ACLY: variants seen among roughly 807,000 people sequenced by gnomAD.
ACLY encodes ATP-citrate synthase.
Under a neutral mutation model 133.0 loss-of-function variants are expected in ACLY, and 41 were observed. The ratio of observed to expected loss-of-function variants is 0.31; its 90% CI spans 0.24 to 0.40. The LOEUF (loss-of-function observed/expected upper bound fraction) is 0.40, where lower values mean the gene tolerates loss of function less well. Ranked by LOEUF, ACLY falls within the 10% of genes least tolerant of loss-of-function variation. The pLI, the probability that ACLY is intolerant of heterozygous loss-of-function variation, is 1.00. For missense variants in ACLY, 1,046 were observed against 1,453.8 expected (o/e 0.72, Z 4.56); for synonymous variants, 495 against 549.3 (o/e 0.90, Z 1.38).
chr17:41,868,628 A>C, intron 28 of ACLY, 81 bp downstream of exon 28: 1 of 893,946 alleles, frequency 1.1e-6, no homozygotes, highest in East Asian at 2.8e-5. Flanking sequence ...AAGAAAAAGA[A>C]ACTCAACCCC....
At chr17:41,894,898 C>T (rs1354219244) in intron 14 of ACLY, among the ~76,000 whole-genome samples, 1 of 152,166 alleles carries the variant, frequency 6.6e-6, no homozygotes, top group Non-Finnish European at 1.5e-5. Flanking sequence ...CTAGAGCAGG[C>T]TTGGCTAACC....
In ACLY at chr17:41,886,179, C is replaced by T; in HGVS notation, c.2005G>A (p.Glu669Lys). 3 of 1,614,176 alleles carry T rather than the reference C, an allele frequency of 1.9e-6. No homozygotes were observed. Among genetic ancestry groups the T allele is most frequent in the Admixed American group, 1.7e-5 (1 of 60,014 alleles). Residue 669 changes from glutamate to lysine, a missense_variant, in exon 18 of 29, where the codon GAG becomes AAG. Glu to Lys is a moderately conservative substitution (Grantham distance 56). Transcript: ENST00000352035. Reference protein sequence around the residue: ...YVSRSGGMSNELNNIISRTTD... With the variant: ...YVSRSGGMSNKLNNIISRTTD... ...GTCCGAGAGATGATATTGTTGAGCT[C>T]GTTGGACATGCCTCCGGAACGTGAG...
At position 41,873,175 on chromosome 17, in the gene ACLY, C is replaced by CTT. The variant is rs529319940; in HGVS notation, c.2642+634_2642+635dup. Among the ~76,000 whole-genome samples the CTT allele has an allele frequency of 9.6e-4, 129 of 134,362 alleles. 1 individual carries two copies. The highest frequency in any genetic ancestry group is 3.1e-3 in the African/African-American group (113 of 36,674). The allele number at this position is 134,362 out of a possible 152,430, so 88.1% of individuals were successfully genotyped here. A position where few individuals can be genotyped will look rare whatever the true frequency, so the allele number is the denominator to read the frequency against. ...AAATTTGCAAAGTGAACACAAGGTA[C>CTT]TTTTTTTTTTTTTTTTTTGAGACGG... is the stretch of plus-strand genomic sequence containing the variant. On this transcript the variant is annotated intron_variant, in intron 23 of 28. Transcript: ENST00000352035.
chr17:41,875,365 A>AAAG (rs1491299873), intron 22 of ACLY, among the ~76,000 whole-genome samples: 8 of 148,176 alleles, frequency 5.4e-5, no homozygotes, highest in African/African-American at 7.5e-5. Flanking sequence ...AAAAAAAAAA[A>AAAG]GGGGGGACGA....
intron 23 of ACLY, among the ~76,000 whole-genome samples, 176 bp downstream of exon 23, chr17:41,873,635 C>T (rs1416971609): frequency 1.3e-5 from 2 of 152,134 alleles, no homozygotes; most frequent in Non-Finnish European, 2.9e-5. Flanking sequence ...ACTTTCTGTC[C>T]TTGGAAGACT....
intron 25 of ACLY, 124 bp from the exon 26 acceptor site, chr17:41,869,711 G>A (rs1597962301): frequency 7.0e-6 from 5 of 718,550 alleles, no homozygotes; most frequent in South Asian, 3.6e-5. Context: ...CCTGGCCCAC[G>A]TGTACCATTC....
chr17:41,918,974 G>A (rs568070855), upstream of ACLY: 64 of 1,288,914 alleles, frequency 5.0e-5, no homozygotes, highest in Admixed American at 4.8e-4. Flanking sequence ...CCCGGGATCC[G>A]GCTTTTGTCC....
At chr17:41,872,305 C>T in intron 23 of ACLY, 123 bp from the exon 24 acceptor site, 1 of 905,524 alleles carries the variant, frequency 1.1e-6, no homozygotes, top group South Asian at 1.6e-5. Flanking sequence ...TCTAATACTA[C>T]CACACAACTC....
At chr17:41,891,415 T>C (rs1401974302) in intron 16 of ACLY, among the ~76,000 whole-genome samples, 2 of 151,944 alleles carry the variant, frequency 1.3e-5, no homozygotes, top group African/African-American at 4.8e-5. Context: ...CATTTATTTA[T>C]TTATTTATTT....
intron 18 of ACLY, 40 bp downstream of exon 18, chr17:41,886,072 T>G (rs781963806): frequency 3.1e-6 from 5 of 1,595,540 alleles, no homozygotes; most frequent in Non-Finnish European, 2.6e-6. Flanking sequence ...CCCACTGCTC[T>G]CAAAGCAGGA....
In ACLY at chr17:41,909,768, C is replaced by A; in HGVS notation, c.346-68G>T. On this transcript the variant is annotated intron_variant, in intron 4 of 28. Transcript: ENST00000352035. ...GGCGAAGCTGGTGAGGGGCGCTGAA[C>A]TGGGGAAGATGGTCTACCATGTACT... 5 of 1,443,802 alleles carry A rather than the reference C, an allele frequency of 3.5e-6. No homozygotes were observed. In the South Asian group the frequency reaches 4.8e-5, roughly 14 times the overall value. 89.4% of individuals were successfully genotyped at this position (1,443,802 alleles called of 1,614,324 possible).
intron 17 of ACLY, among the ~76,000 whole-genome samples, chr17:41,886,862 G>A (rs1162208585): frequency 5.9e-5 from 9 of 151,754 alleles, no homozygotes; most frequent in African/African-American, 1.7e-4. Flanking sequence ...GGTGGCTCAC[G>A]CCTGCAATCC....
intron 15 of ACLY, 116 bp from the exon 16 acceptor site, chr17:41,892,563 A>G: frequency 1.1e-6 from 1 of 898,490 alleles, no homozygotes; most frequent in South Asian, 1.7e-5. Context: ...TGTGCCCTCA[A>G]AGAATTTTCA....
Position 41,887,642 on chromosome 17 carries a change from T to C in ACLY, c.1832A>G (p.Lys611Arg), listed in dbSNP as rs2049091346. 2 of 1,613,776 alleles carry C rather than the reference T, an allele frequency of 1.2e-6. No individual in the cohort carries two copies. Among genetic ancestry groups the C allele is most frequent in the African/African-American group, 2.7e-5 (2 of 74,910 alleles). The change falls in exon 17 of 29, where the codon AAG becomes AGG. Residue 611 changes from lysine to arginine, a missense_variant. By Grantham distance (26) the Lys-to-Arg change is conservative. Transcript: ENST00000352035. ...GGTCACTCCCTTCTGGTCCGCCTTC[T>C]TGATCAGCTTTCTCGTGAGGGCCTC... The part of the protein sequence containing the change: ...IPEALTRKLI[K>R]KADQKGVTII...
chr17:41,885,524 A>T (rs1294409426), intron 18 of ACLY, among the ~76,000 whole-genome samples: 1 of 152,238 alleles, frequency 6.6e-6, no homozygotes, highest in Non-Finnish European at 1.5e-5. Context: ...TACTGTATTC[A>T]TGACCTACTG....
At chr17:41,911,206 G>A (rs562138593) in intron 3 of ACLY, among the ~76,000 whole-genome samples, 3 of 152,350 alleles carry the variant, frequency 2.0e-5, no homozygotes, top group Non-Finnish European at 4.4e-5. Context: ...AATGAGGGAG[G>A]AAGACATCTC....
chr17:41,926,609 C>G (rs1189561084), intron 1 of ACLY, among the ~76,000 whole-genome samples: 3 of 151,976 alleles, frequency 2.0e-5, no homozygotes, highest in Admixed American at 1.3e-4. Flanking sequence ...GTGCCTCAGC[C>G]TCCCGAGTAG....
At chr17:41,914,992 C>T (rs1173070647) in intron 1 of ACLY, among the ~76,000 whole-genome samples, 1 of 152,082 alleles carries the variant, frequency 6.6e-6, no homozygotes, top group African/African-American at 2.4e-5. Flanking sequence ...GATAACTTGC[C>T]CAAGAAGCCC....
At chr17:41,930,176 T>C (rs1181223994) in intron 1 of ACLY, among the ~76,000 whole-genome samples, 1 of 152,250 alleles carries the variant, frequency 6.6e-6, no homozygotes, top group East Asian at 1.9e-4. Flanking sequence ...CTCGCATCCC[T>C]GAGTGTTCCA....
Sources: gnomAD v4.1 joint callset for allele counts (sites outside exome capture counted in the v4.1 genomes callset) on GRCh38, gnomAD v4.1.1 for gene constraint, MANE v1.5 for transcripts, NCBI Gene and HGNC (gene_info 2026-07-23, HGNC 2026-07-21) for gene names.